The following ANKS1B variants were observed in gnomAD, a reference collection of about 807,000 sequenced individuals.
The protein encoded by ANKS1B is ankyrin repeat and sterile alpha motif domain containing 1B.
In ANKS1B, 36 loss-of-function variants were observed where a neutral mutation model predicts 148.3. The ratio of observed to expected loss-of-function variants is 0.24; its 90% CI spans 0.19 to 0.32. ANKS1B has a LOEUF of 0.32. Ranked by LOEUF, ANKS1B falls within the 10% of genes least tolerant of loss-of-function variation. The probability of loss-of-function intolerance (pLI) is 1.00; values close to 1 mark genes in which losing one functional copy is unlikely to be tolerated. For missense variants in ANKS1B, 1,157 were observed against 1,542.6 expected (o/e 0.75, Z 4.19); for synonymous variants, 542 against 560.8 (o/e 0.97, Z 0.47).
In ANKS1B at chr12:98,751,260, G is replaced by A. The variant is rs759034035; in HGVS notation, c.3747+95C>T. 3 of 1,310,510 alleles carry A rather than the reference G, an allele frequency of 2.3e-6. No homozygotes were observed. Among genetic ancestry groups the A allele is most frequent in the Admixed American group, 2.4e-5 (1 of 41,266 alleles). The allele number at this position is 1,310,510 out of a possible 1,614,324, so 81.2% of individuals were successfully genotyped here. ...GGAAAGGATGAAGAAGAGGCCCTGG[G>A]TTCTAATGGCACCCACACCACACAA... is the stretch of plus-strand genomic sequence containing the variant. On this transcript the variant is annotated intron_variant, in intron 26 of 26. Transcript: ENST00000683438. This position sits in a 1 kb window ranked among gnomAD's most constrained non-coding sequence, Gnocchi z 4.3.
chr12:99,877,502 A>G (rs2092192100), intron 1 of ANKS1B, among the ~76,000 whole-genome samples: 1 of 152,194 alleles, frequency 6.6e-6, no homozygotes. Flanking sequence ...GGCTCTAACA[A>G]TCTCACTTTG....
chr12:99,229,801 T>C (rs1206495442), intron 14 of ANKS1B, among the ~76,000 whole-genome samples: 1 of 152,056 alleles, frequency 6.6e-6, no homozygotes, highest in Non-Finnish European at 1.5e-5. Context: ...CTAACAATTA[T>C]ATGTAAACCA....
At chr12:99,593,636 G>A (rs751090446) in intron 9 of ANKS1B, among the ~76,000 whole-genome samples, 13 of 152,034 alleles carry the variant, frequency 8.6e-5, no homozygotes, top group Non-Finnish European at 1.3e-4. Context: ...AAGCGATAAA[G>A]AAGGAATTAT....
Position 99,541,401 on chromosome 12 carries a change from T to G in ANKS1B, c.1273-36760A>C, listed in dbSNP as rs181414516. ...TTCCACAAAATGCTGGCAAACTAAA[T>G]GCAACAACATACAAAATAATTATAT... On this transcript the variant is annotated intron_variant, in intron 9 of 26. Coordinates refer to ENST00000683438, the MANE Select transcript of ANKS1B (RefSeq NM_001352186.2). Among the ~76,000 whole-genome samples the G allele has an allele frequency of 4.6e-5, 7 of 152,248 alleles. No homozygotes were observed. The South Asian group carries it at 1.4e-3, about 32-fold the overall frequency.
chr12:99,613,828 T>C (rs906511496), intron 9 of ANKS1B, among the ~76,000 whole-genome samples: 21 of 151,916 alleles, frequency 1.4e-4, no homozygotes, highest in African/African-American at 4.8e-4. Flanking sequence ...GTAACAAACC[T>C]GCACATCCTG....
rs768329263 is a variant in ANKS1B, at chr12:98,831,850, AG to A, written c.2886+178del. The A allele has an allele frequency of 4.2e-4, 269 of 637,566 alleles. 1 individual carries two copies. Among genetic ancestry groups the A allele is most frequent in the Non-Finnish European group, 6.6e-4 (229 of 348,622 alleles). The allele number at this position is 637,566 out of a possible 1,614,324, so 39.5% of individuals were successfully genotyped here. On this transcript the variant is annotated intron_variant, in intron 18 of 26. Coordinates refer to ENST00000683438, the MANE Select transcript of ANKS1B (RefSeq NM_001352186.2). The stretch of plus-strand genomic sequence containing the variant: ...TGCAATGCTCCGCCTTCTGGGTTCA[AG>A]TGATTTTCATGTCTCAGCCTCCGGA...
chr12:99,428,048 C>A (rs1206463405), intron 11 of ANKS1B, among the ~76,000 whole-genome samples: 2 of 151,996 alleles, frequency 1.3e-5, no homozygotes, highest in African/African-American at 4.8e-5. Context: ...GGTAGGAAAT[C>A]CTAAAGGATG....
chr12:99,252,074 T>A (rs1030274728), intron 12 of ANKS1B, among the ~76,000 whole-genome samples: 1 of 152,166 alleles, frequency 6.6e-6, no homozygotes, highest in African/African-American at 2.4e-5. Flanking sequence ...GAAAGGAAGA[T>A]GCTATAAGGC....
intron 17 of ANKS1B, among the ~76,000 whole-genome samples, chr12:98,905,229 T>A (rs1308374395): frequency 6.6e-6 from 1 of 152,208 alleles, no homozygotes; most frequent in East Asian, 1.9e-4. Context: ...CTGTGTATTT[T>A]CCCATGACAC....
chr12:99,005,340 T>C (rs945002167), intron 17 of ANKS1B, among the ~76,000 whole-genome samples: 2 of 152,126 alleles, frequency 1.3e-5, no homozygotes, highest in Non-Finnish European at 2.9e-5. Context: ...CCTGCACAAA[T>C]AGCTCCTGTG....
At chr12:99,826,359 G>T (rs1007931928) in intron 1 of ANKS1B, among the ~76,000 whole-genome samples, 5 of 152,142 alleles carry the variant, frequency 3.3e-5, no homozygotes, top group African/African-American at 1.2e-4. Context: ...TCTCTGAAAA[G>T]AGAATGAATA....
At chr12:98,952,237 G>A (rs1288088578) in intron 17 of ANKS1B, among the ~76,000 whole-genome samples, 2 of 152,122 alleles carry the variant, frequency 1.3e-5, no homozygotes, top group African/African-American at 4.8e-5. Context: ...CCGTCTTTTG[G>A]ATGGTGATTT....
intron 11 of ANKS1B, among the ~76,000 whole-genome samples, chr12:99,405,563 G>T (rs2094512016): frequency 6.9e-6 from 1 of 144,708 alleles, no homozygotes; most frequent in East Asian, 1.9e-4. Context: ...AATAAAACAA[G>T]AAATTAAAAC....
Position 99,246,507 on chromosome 12 carries a change from T to G in ANKS1B, c.2114A>C (p.Asn705Thr), listed in dbSNP as rs1453011784. The G allele has an allele frequency of 6.2e-7, 1 of 1,613,868 alleles. No homozygotes were observed. The highest frequency in any genetic ancestry group is 8.5e-7 in the Non-Finnish European group (1 of 1,179,854). Residue 705 changes from asparagine to threonine, a missense_variant, in exon 13 of 27, where the codon AAC becomes ACC. By Grantham distance (65) the Asn-to-Thr change is moderately conservative. Coordinates refer to ENST00000683438, the MANE Select transcript of ANKS1B (RefSeq NM_001352186.2). ...GGCTCTCTCCACAAATCCCCCTGCG[T>G]TCATAACCCACTGGTCCCCATTCCG... ...GSRNGDQWVM[N>T]AGGFVERACT...
intron 12 of ANKS1B, among the ~76,000 whole-genome samples, chr12:99,326,908 T>C (rs1231747875): frequency 6.8e-6 from 1 of 148,138 alleles, no homozygotes; most frequent in Non-Finnish European, 1.5e-5. Context: ...TTGATGCAGA[T>C]GAAACATATA....
intron 12 of ANKS1B, among the ~76,000 whole-genome samples, chr12:99,261,734 T>C (rs1004573236): frequency 1.3e-5 from 2 of 152,110 alleles, no homozygotes; most frequent in Non-Finnish European, 2.9e-5. Flanking sequence ...CTAGCTTTCA[T>C]TTTTGCACCT....
At chr12:99,268,594 A>G (rs2076697916) in intron 12 of ANKS1B, among the ~76,000 whole-genome samples, 1 of 152,244 alleles carries the variant, frequency 6.6e-6, no homozygotes, top group African/African-American at 2.4e-5. Flanking sequence ...AGAACTTTGA[A>G]AAGTTGGAGA....
chr12:99,079,555 A>G (rs1252867718), intron 16 of ANKS1B, among the ~76,000 whole-genome samples: 1 of 152,196 alleles, frequency 6.6e-6, no homozygotes, highest in Non-Finnish European at 1.5e-5. Flanking sequence ...TGTGATAACA[A>G]TATTTACTAG....
chr12:99,849,598 C>T (rs2087352880), intron 1 of ANKS1B, among the ~76,000 whole-genome samples: 1 of 152,098 alleles, frequency 6.6e-6, no homozygotes, highest in Non-Finnish European at 1.5e-5. Flanking sequence ...TAGTGCAAAA[C>T]TGTCCATCAA....
Sources: gnomAD v4.1 joint callset for allele counts (sites outside exome capture counted in the v4.1 genomes callset) on GRCh38, gnomAD v4.1.1 for gene constraint, Gnocchi (gnomAD v3.1) non-coding constraint, MANE v1.5 for transcripts, NCBI Gene and HGNC (gene_info 2026-07-23, HGNC 2026-07-21) for gene names.